Variants in PPTC7 observed in about 807,000 individuals in gnomAD.
The protein encoded by PPTC7 is protein phosphatase PTC7 homolog.
PPTC7 carries 6 observed loss-of-function variants against 30.8 expected under a neutral mutation model. The observed-to-expected ratio is 0.19, with a 90% confidence interval of 0.11 to 0.38. PPTC7 has a LOEUF of 0.38. PPTC7 is among the 10% of genes least tolerant of loss of function. The pLI is 1.00. For synonymous variants in PPTC7, 163 were observed against 168.1 expected (o/e 0.97, Z 0.23); for missense variants, 218 against 404.8 (o/e 0.54, Z 3.96).
intron 3 of PPTC7, among the ~76,000 whole-genome samples, chr12:110,541,085 T>A (rs1053494575): frequency 1.3e-5 from 2 of 150,712 alleles, no homozygotes; most frequent in African/African-American, 4.9e-5. Flanking sequence ...GCCAATCTTA[T>A]AAGAATTCAT....
chr12:110,571,151 G>A (rs1446685756), intron 1 of PPTC7, among the ~76,000 whole-genome samples: 1 of 151,960 alleles, frequency 6.6e-6, no homozygotes, highest in Non-Finnish European at 1.5e-5. Flanking sequence ...GGTGATAATG[G>A]GGCAAACTAA....
chr12:110,582,521 A>G (rs1414256448), intron 1 of PPTC7, among the ~76,000 whole-genome samples: 1 of 152,166 alleles, frequency 6.6e-6, no homozygotes, highest in Non-Finnish European at 1.5e-5. Flanking sequence ...AGTGAGACCG[A>G]GAGTGTGGCT....
At chr12:110,567,890 G>A (rs146335323) in intron 1 of PPTC7, among the ~76,000 whole-genome samples, 12 of 152,244 alleles carry the variant, frequency 7.9e-5, no homozygotes, top group African/African-American at 1.7e-4. Context: ...AGACTTCACT[G>A]TGCACTCTTG....
intron 1 of PPTC7, among the ~76,000 whole-genome samples, chr12:110,576,737 T>C (rs967689163): frequency 3.3e-5 from 5 of 151,288 alleles, no homozygotes; most frequent in African/African-American, 1.2e-4. Flanking sequence ...GGGGGTTTCT[T>C]GGGGGGTGAT....
chr12:110,559,263 C>G lies in PPTC7; in HGVS notation c.224-7295G>C, dbSNP rs149081709. ...CAGGCTGGTCTCAAACTCCTGGGGTCAAGTGATCCTCCTGCCTCAGTCTCC... is the reference window on the plus strand; with the variant it reads ...CAGGCTGGTCTCAAACTCCTGGGGTGAAGTGATCCTCCTGCCTCAGTCTCC... On this transcript the variant is annotated intron_variant, in intron 1 of 5. Transcript: ENST00000354300. Among the ~76,000 whole-genome samples, 1,042 of 151,826 alleles carry G rather than the reference C, an allele frequency of 6.9e-3. 1 individual carries two copies. Among genetic ancestry groups the G allele is most frequent in the Non-Finnish European group, 9.4e-3 (636 of 67,916 alleles).
At chr12:110,549,206 C>G (rs1470860961) in intron 2 of PPTC7, among the ~76,000 whole-genome samples, 1 of 152,116 alleles carries the variant, frequency 6.6e-6, no homozygotes, top group Non-Finnish European at 1.5e-5. Context: ...TGCTTAGGAC[C>G]TTATCAATCC....
chr12:110,541,190 T>C (rs1487505268), intron 3 of PPTC7, among the ~76,000 whole-genome samples: 1 of 150,438 alleles, frequency 6.6e-6, no homozygotes. Flanking sequence ...AAGACCAGCC[T>C]GACCAACACG....
intron 2 of PPTC7, among the ~76,000 whole-genome samples, chr12:110,549,472 G>C (rs2064335091): frequency 6.6e-6 from 1 of 151,884 alleles, no homozygotes; most frequent in Non-Finnish European, 1.5e-5. Context: ...GCTTGTCTTT[G>C]TCAAAATATG....
chr12:110,540,248 C>T (rs539511106), intron 3 of PPTC7, among the ~76,000 whole-genome samples: 1 of 151,276 alleles, frequency 6.6e-6, no homozygotes, highest in Admixed American at 6.6e-5. Flanking sequence ...TCAGATCTAA[C>T]ACACCTCTAA....
intron 3 of PPTC7, among the ~76,000 whole-genome samples, chr12:110,540,311 C>T (rs986315633): frequency 8.4e-6 from 1 of 119,574 alleles, no homozygotes; most frequent in Non-Finnish European, 1.7e-5. Context: ...CGAATTCCAT[C>T]CCCCCCCGCC....
chr12:110,539,307 C>G (rs1328317741), intron 4 of PPTC7, among the ~76,000 whole-genome samples: 1 of 152,172 alleles, frequency 6.6e-6, no homozygotes, highest in East Asian at 1.9e-4. Context: ...GGTAAAGACT[C>G]ATGAGAAAAA....
At chr12:110,564,869 T>C (rs2064469352) in intron 1 of PPTC7, among the ~76,000 whole-genome samples, 1 of 149,584 alleles carries the variant, frequency 6.7e-6, no homozygotes, top group Non-Finnish European at 1.5e-5. Flanking sequence ...TATATGTGTA[T>C]ATATACATTG....
At chr12:110,577,121 C>G (rs1184376743) in intron 1 of PPTC7, among the ~76,000 whole-genome samples, 2 of 145,882 alleles carry the variant, frequency 1.4e-5, no homozygotes, top group Non-Finnish European at 3.0e-5. Context: ...GAGCCAAGAT[C>G]GCGCCACTGC....
chr12:110,583,125 G>C lies in PPTC7; in HGVS notation c.-94C>G. On this transcript the variant is annotated 5_prime_UTR_variant, in exon 1 of 6. Coordinates refer to ENST00000354300, the MANE Select transcript of PPTC7 (RefSeq NM_139283.2). ...CTCTCTCCTCAGCCGCAGTCGCGCC[G>C]CCGCTGGGGCGCTCCTCAGGGCGGC... is the stretch of plus-strand genomic sequence containing the variant. 1 of 1,002,782 alleles carries C rather than the reference G, an allele frequency of 1.0e-6. No homozygotes were observed. The highest frequency in any genetic ancestry group is 1.3e-6 in the Non-Finnish European group (1 of 776,510). 62.1% of individuals were successfully genotyped at this position (1,002,782 alleles called of 1,614,324 possible).
chr12:110,539,500 TG>T (rs1402122323), intron 4 of PPTC7, among the ~76,000 whole-genome samples: 1 of 152,184 alleles, frequency 6.6e-6, no homozygotes, highest in Admixed American at 6.5e-5. Context: ...TGTCTTTGCC[TG>T]ATTCAACACC....
chr12:110,536,232 C>CTT lies in PPTC7; in HGVS notation c.*803_*804dup, dbSNP rs2064217330. On this transcript the variant is annotated 3_prime_UTR_variant, in exon 6 of 6. Transcript: ENST00000354300. ...CAGCCATAACAATTAAATTTCTAGG[C>CTT]TTTGAGGGGTTTTACAACCTTGAGT... 6.6e-6 allele frequency: 1 copy of CTT among 152,172 alleles called. No homozygotes were observed. The highest frequency in any genetic ancestry group is 2.4e-5 in the African/African-American group (1 of 41,434). The allele number at this position is 152,172 out of a possible 1,614,324, so 9.4% of individuals were successfully genotyped here.
chr12:110,579,725 A>G (rs1303731670), intron 1 of PPTC7, among the ~76,000 whole-genome samples: 2 of 152,084 alleles, frequency 1.3e-5, no homozygotes, highest in East Asian at 1.9e-4. Context: ...GCAAAAGTAA[A>G]ATATGGGCTG....
intron 1 of PPTC7, among the ~76,000 whole-genome samples, chr12:110,554,329 A>C (rs1025960047): frequency 1.3e-5 from 2 of 152,086 alleles, no homozygotes; most frequent in African/African-American, 4.8e-5. Context: ...TCATGCCACC[A>C]CACCCAGCTA....
Position 110,539,924 on chromosome 12 carries a change from C to G in PPTC7, c.624G>C (p.Thr208=). The change falls in exon 4 of 6, where the codon ACG becomes ACC. Residue 208 remains threonine (T), a synonymous_variant. Coordinates refer to ENST00000354300, the MANE Select transcript of PPTC7 (RefSeq NM_139283.2). ...TGTCTCCTAGCTGGACATCGAAAGACGTGCTATCAGCAGCATCCGGACTGT... is the reference window on the plus strand; with the variant it reads ...TGTCTCCTAGCTGGACATCGAAAGAGGTGCTATCAGCAGCATCCGGACTGT... ...LSDSPDAADS[T]SFDVQLGDII... is the part of the protein sequence containing the mutation. 1.2e-6 allele frequency: 2 copies of G among 1,614,030 alleles called. No individual in the cohort carries two copies. Among genetic ancestry groups the G allele is most frequent in the Non-Finnish European group, 1.7e-6 (2 of 1,179,950 alleles).
Sources: allele counts gnomAD v4.1 joint callset (sites outside exome capture counted in the v4.1 genomes callset), GRCh38; gene constraint gnomAD v4.1.1; transcripts MANE v1.5; gene names NCBI Gene and HGNC (gene_info 2026-07-23, HGNC 2026-07-21).